The following MEGF11 variants were observed in gnomAD, a reference collection of about 807,000 sequenced individuals.
MEGF11 encodes the protein multiple epidermal growth factor-like domains protein 11.
Under a neutral mutation model 146.6 loss-of-function variants are expected in MEGF11, and 126 were observed. The observed-to-expected ratio is 0.86, with a 90% CI of 0.74 to 1.00. The LOEUF (loss-of-function observed/expected upper bound fraction) is 1.00. Ranked by LOEUF, MEGF11 falls within the 50% of genes least tolerant of loss-of-function variation. The pLI, the probability that MEGF11 is intolerant of heterozygous loss-of-function variation, is 0.00. For synonymous variants in MEGF11, 532 were observed against 583.4 expected (o/e 0.91, Z 1.27); for missense variants, 1,509 against 1,521.2 (o/e 0.99, Z 0.13).
intron 5 of MEGF11, among the ~76,000 whole-genome samples, chr15:66,055,799 A>C (rs2084650274): frequency 6.6e-6 from 1 of 152,200 alleles, no homozygotes; most frequent in Non-Finnish European, 1.5e-5. Flanking sequence ...CATACAGAAC[A>C]ACCTCAACAT....
chr15:65,986,145 G>A (rs143718641), intron 5 of MEGF11, among the ~76,000 whole-genome samples: 40 of 151,988 alleles, frequency 2.6e-4, no homozygotes, highest in African/African-American at 8.9e-4. Flanking sequence ...TAGAGACAGG[G>A]TTTCATCATG....
intron 7 of MEGF11, among the ~76,000 whole-genome samples, chr15:65,975,933 G>A (rs114978512): frequency 0.012 from 1,789 of 152,248 alleles, 28 homozygotes; most frequent in African/African-American, 0.041. Context: ...CAGCCTTTTG[G>A]GGAGAGGCAG....
At chr15:66,173,307 ATT>A (rs35586865) in intron 1 of MEGF11, among the ~76,000 whole-genome samples, 1 of 151,644 alleles carries the variant, frequency 6.6e-6, no homozygotes, top group Non-Finnish European at 1.5e-5. Flanking sequence ...ACAGAAGGCA[ATT>A]TTTTTTTAAT....
In MEGF11 at chr15:65,922,876, T is replaced by G; in HGVS notation, c.1769A>C (p.Glu590Ala). Reference sequence around the variant, plus strand: ...AGGGGCACACTCGCAGCTCCCATCCTCTGGGGAGCAGGAGCCTCCATTCTC... The same window carrying G: ...AGGGGCACACTCGCAGCTCCCATCCGCTGGGGAGCAGGAGCCTCCATTCTC... ...SCENGGSCSP[E>A]DGSCECAPGF... is the part of the protein sequence containing the mutation. Residue 590 changes from glutamate to alanine, a missense_variant, in exon 14 of 26, where the codon GAG becomes GCG. Coordinates refer to ENST00000395614, the MANE Select transcript of MEGF11 (RefSeq NM_001385028.1). 1 of 1,613,398 alleles carries G rather than the reference T, an allele frequency of 6.2e-7. No individual in the cohort carries two copies. The highest frequency in any genetic ancestry group is 8.5e-7 in the Non-Finnish European group (1 of 1,179,746).
In MEGF11 at chr15:66,183,225, C is replaced by T. The variant is rs181178716; in HGVS notation, c.-8-54814G>A. ...GGAGAAGATACACACGGTGGCTGGG[C>T]GTGGGGGCTCACGCCTGTAATCCCA... On this transcript the variant is annotated intron_variant, in intron 1 of 25. Transcript: ENST00000395614. Among the ~76,000 whole-genome samples, 384 of 152,168 alleles carry T rather than the reference C, an allele frequency of 2.5e-3. 1 individual carries two copies. The highest frequency in any genetic ancestry group is 8.9e-3 in the African/African-American group (369 of 41,508).
chr15:66,181,232 T>G (rs1407054960), intron 1 of MEGF11, among the ~76,000 whole-genome samples: 5 of 152,226 alleles, frequency 3.3e-5, no homozygotes, highest in Admixed American at 6.5e-5. Context: ...CTTTGAAGAT[T>G]CACAGAATTT....
At chr15:66,193,153 G>A (rs2090924728) in intron 1 of MEGF11, among the ~76,000 whole-genome samples, 2 of 152,176 alleles carry the variant, frequency 1.3e-5, no homozygotes, top group South Asian at 2.1e-4. Context: ...AACATTTTGT[G>A]AAGACTCCTA....
intron 1 of MEGF11, among the ~76,000 whole-genome samples, chr15:66,164,367 G>A (rs1028370263): frequency 1.2e-4 from 18 of 152,126 alleles, no homozygotes; most frequent in Non-Finnish European, 2.4e-4. Flanking sequence ...TGCACGTGAG[G>A]GGCCTGCTGG....
At chr15:66,065,040 GC>G (rs1442732525) in intron 5 of MEGF11, among the ~76,000 whole-genome samples, 1 of 152,080 alleles carries the variant, frequency 6.6e-6, no homozygotes, top group Non-Finnish European at 1.5e-5. Flanking sequence ...TGATTCACTG[GC>G]CCTTGTGTCC....
At chr15:66,212,245 C>A (rs1216437365) in intron 1 of MEGF11, among the ~76,000 whole-genome samples, 2 of 152,078 alleles carry the variant, frequency 1.3e-5, no homozygotes, top group African/African-American at 4.8e-5. Flanking sequence ...ATCAGAGAGA[C>A]CCAAAGGGAT....
At chr15:66,207,013 G>C (rs905927860) in intron 1 of MEGF11, among the ~76,000 whole-genome samples, 1 of 152,090 alleles carries the variant, frequency 6.6e-6, no homozygotes, top group African/African-American at 2.4e-5. Flanking sequence ...TTATCTAGTC[G>C]GAATGGAAAA....
intron 5 of MEGF11, among the ~76,000 whole-genome samples, chr15:65,991,067 T>G (rs1304107924): frequency 6.6e-6 from 1 of 152,220 alleles, no homozygotes. Context: ...GATGTATCAT[T>G]AGCTCTTAGT....
intron 13 of MEGF11, among the ~76,000 whole-genome samples, chr15:65,927,229 G>A (rs2079401679): frequency 6.6e-6 from 1 of 152,184 alleles, no homozygotes; most frequent in Non-Finnish European, 1.5e-5. Flanking sequence ...ACTCATTTAA[G>A]CTTCAAAACA....
In MEGF11 at chr15:66,009,417, A is replaced by T. The variant is rs961014130; in HGVS notation, c.395-26929T>A. Among the ~76,000 whole-genome samples the T allele has an allele frequency of 5.3e-5, 8 of 151,846 alleles. No homozygotes were observed. The South Asian group carries it at 1.7e-3, about 32-fold the overall frequency. On this transcript the variant is annotated intron_variant, in intron 5 of 25. Transcript: ENST00000395614. ...TTGGGGATGCTTCCTAGTGGCTGGG[A>T]GGCTCTGTTAGGCTGACTCACATCT... is the stretch of plus-strand genomic sequence containing the variant.
chr15:66,150,593 G>A (rs975042092), intron 1 of MEGF11, among the ~76,000 whole-genome samples: 2 of 138,544 alleles, frequency 1.4e-5, no homozygotes, highest in African/African-American at 2.5e-5. Flanking sequence ...CACATAGTAG[G>A]CATGTTAGAA....
At chr15:66,209,525 G>C (rs1314757388) in intron 1 of MEGF11, among the ~76,000 whole-genome samples, 3 of 152,114 alleles carry the variant, frequency 2.0e-5, no homozygotes, top group Non-Finnish European at 1.5e-5. Flanking sequence ...GCCCTTCAAA[G>C]AGTGAATAGT....
intron 5 of MEGF11, among the ~76,000 whole-genome samples, chr15:66,058,346 T>G (rs191635666): frequency 1.3e-5 from 2 of 152,308 alleles, no homozygotes; most frequent in East Asian, 3.9e-4. Flanking sequence ...CCTGGAAGTT[T>G]GAAATGCGGC....
At chr15:66,144,392 C>T (rs973462693) in intron 1 of MEGF11, among the ~76,000 whole-genome samples, 4 of 152,158 alleles carry the variant, frequency 2.6e-5, no homozygotes, top group African/African-American at 7.2e-5. Flanking sequence ...GTCTCTTTCT[C>T]CCTTCCCACC....
chr15:65,914,025 G>T, intron 19 of MEGF11, 52 bp from the exon 20 acceptor site: 5 of 1,461,030 alleles, frequency 3.4e-6, no homozygotes, highest in Non-Finnish European at 4.8e-6. Flanking sequence ...TGCGCTTCAG[G>T]TCTCCTGGGC....
Sources: gnomAD v4.1 joint callset for allele counts (sites outside exome capture counted in the v4.1 genomes callset) on GRCh38, gnomAD v4.1.1 for gene constraint, MANE v1.5 for transcripts, NCBI Gene and HGNC (gene_info 2026-07-23, HGNC 2026-07-21) for gene names.